MAGI2: variants seen among roughly 807,000 people sequenced by gnomAD.
MAGI2 encodes membrane-associated guanylate kinase, WW and PDZ domain-containing protein 2.
MAGI2 carries 35 observed loss-of-function variants against 133.3 expected under a neutral mutation model. That is an observed-to-expected ratio of 0.26 (90% confidence interval 0.20 to 0.35). The LOEUF is 0.35. MAGI2 is among the 10% of genes least tolerant of loss of function. The probability of loss-of-function intolerance (pLI) is 1.00; values close to 1 mark genes in which losing one functional copy is unlikely to be tolerated. For synonymous variants in MAGI2, 729 were observed against 710.6 expected (o/e 1.03, Z -0.41); for missense variants, 1,636 against 1,863.4 (o/e 0.88, Z 2.25).
intron 3 of MAGI2, among the ~76,000 whole-genome samples, chr7:78,555,190 T>TTGGA (rs369587265): frequency 0.043 from 6,031 of 138,882 alleles, 183 homozygotes; most frequent in African/African-American, 0.079. Flanking sequence ...TAGAGGACGG[T>TTGGA]TGGATGGATG....
At chr7:78,854,391 T>C (rs773023726) in intron 2 of MAGI2, among the ~76,000 whole-genome samples, 19 of 152,146 alleles carry the variant, frequency 1.2e-4, no homozygotes, top group Non-Finnish European at 2.6e-4. Flanking sequence ...ATAAAACTTA[T>C]ACTTGTTTTA....
chr7:78,179,218 A>T (rs1826953500), intron 13 of MAGI2, among the ~76,000 whole-genome samples: 2 of 152,258 alleles, frequency 1.3e-5, no homozygotes, highest in South Asian at 4.1e-4. Context: ...TGATAGAAGC[A>T]GGTATTAAGT....
At chr7:79,311,570 C>A (rs1393030537) in intron 1 of MAGI2, among the ~76,000 whole-genome samples, 1 of 152,012 alleles carries the variant, frequency 6.6e-6, no homozygotes, top group Non-Finnish European at 1.5e-5. Flanking sequence ...CCTCCCACCA[C>A]CTGCCCCTAT....
intron 2 of MAGI2, among the ~76,000 whole-genome samples, chr7:78,895,291 T>A (rs1004837462): frequency 6.6e-6 from 1 of 152,174 alleles, no homozygotes; most frequent in Non-Finnish European, 1.5e-5. Flanking sequence ...AGATGTGATA[T>A]CTTGTCTTGA....
chr7:78,667,328 G>C lies in MAGI2; in HGVS notation c.419-40089C>G, dbSNP rs147341191. Among the ~76,000 whole-genome samples the C allele has an allele frequency of 7.2e-3, 1,061 of 148,218 alleles. 9 individuals carry two copies. The highest frequency in any genetic ancestry group is 0.011 in the Non-Finnish European group (745 of 67,308). ...TCAAGATTGTCAAATAAAACAAAGC[G>C]TGCAGTATTGTAACCAATTGGGTTT... On this transcript the variant is annotated intron_variant, in intron 2 of 21. Coordinates refer to ENST00000354212, the MANE Select transcript of MAGI2 (RefSeq NM_012301.4).
At chr7:78,685,955 CTTTTTCTTT>C (rs772875204) in intron 2 of MAGI2, among the ~76,000 whole-genome samples, 2 of 119,026 alleles carry the variant, frequency 1.7e-5, no homozygotes, top group Non-Finnish European at 3.5e-5. Context: ...CTCTTACTTT[CTTTTTCTTT>C]TTTTTCTTTT....
At chr7:78,893,081 A>T (rs1184627674) in intron 2 of MAGI2, among the ~76,000 whole-genome samples, 1 of 152,058 alleles carries the variant, frequency 6.6e-6, no homozygotes, top group Admixed American at 6.6e-5. Flanking sequence ...ATATGAACAG[A>T]CACTTCTCAA....
At chr7:78,326,640 G>A (rs1285479987) in intron 9 of MAGI2, among the ~76,000 whole-genome samples, 3 of 152,076 alleles carry the variant, frequency 2.0e-5, no homozygotes, top group Admixed American at 2.0e-4. Flanking sequence ...ACGACAGAAG[G>A]GGAGGTGGAA....
intron 1 of MAGI2, chr7:79,414,039 G>C (rs544567651): frequency 6.6e-6 from 1 of 152,202 alleles, no homozygotes; most frequent in East Asian, 1.9e-4. Flanking sequence ...AGTATTCCAG[G>C]ACATCAGAGG....
At chr7:79,161,196 C>A (rs927469086) in intron 1 of MAGI2, among the ~76,000 whole-genome samples, 1 of 151,980 alleles carries the variant, frequency 6.6e-6, no homozygotes, top group Non-Finnish European at 1.5e-5. Flanking sequence ...GGGGATGTTA[C>A]CCCTTTCCAG....
chr7:78,707,102 C>T (rs1818730705), intron 2 of MAGI2, among the ~76,000 whole-genome samples: 1 of 152,022 alleles, frequency 6.6e-6, no homozygotes, highest in Admixed American at 6.6e-5. Context: ...CTGGGTTTAC[C>T]TCAAGAGCCA....
At chr7:78,749,372 A>C (rs1823237766) in intron 2 of MAGI2, among the ~76,000 whole-genome samples, 1 of 152,234 alleles carries the variant, frequency 6.6e-6, no homozygotes, top group African/African-American at 2.4e-5. Context: ...CATGGAGCTT[A>C]TGTTTTCGGG....
intron 9 of MAGI2, among the ~76,000 whole-genome samples, chr7:78,332,075 C>T (rs1177446862): frequency 6.6e-6 from 1 of 152,142 alleles, no homozygotes; most frequent in Non-Finnish European, 1.5e-5. Flanking sequence ...TACTAAAGTT[C>T]TTAATCCTGC....
At chr7:78,860,348 GCT>G (rs1450044230) in intron 2 of MAGI2, among the ~76,000 whole-genome samples, 1 of 152,160 alleles carries the variant, frequency 6.6e-6, no homozygotes, top group East Asian at 1.9e-4. Flanking sequence ...CAGCTTTTCT[GCT>G]CTGGTTTATC....
intron 16 of MAGI2, among the ~76,000 whole-genome samples, chr7:78,153,608 A>G (rs1051839213): frequency 3.3e-5 from 5 of 152,186 alleles, no homozygotes; most frequent in Admixed American, 2.6e-4. Context: ...AAAGAACTCA[A>G]AGTGTTAGGA....
chr7:78,357,552 T>A (rs1158874222), intron 7 of MAGI2, among the ~76,000 whole-genome samples: 2 of 152,190 alleles, frequency 1.3e-5, no homozygotes, highest in Non-Finnish European at 2.9e-5. Flanking sequence ...GAAAGTGAAG[T>A]AAGAATAATA....
chr7:78,546,895 A>G (rs1231709382), intron 3 of MAGI2, among the ~76,000 whole-genome samples: 2 of 152,232 alleles, frequency 1.3e-5, no homozygotes, highest in African/African-American at 2.4e-5. Flanking sequence ...ACTTTTGCAT[A>G]GCACTCAACT....
chr7:78,370,739 T>C (rs1398345534), intron 6 of MAGI2, among the ~76,000 whole-genome samples: 1 of 151,928 alleles, frequency 6.6e-6, no homozygotes, highest in East Asian at 1.9e-4. Context: ...TGTTTTAGAA[T>C]TTAGAATTTT....
intron 1 of MAGI2, among the ~76,000 whole-genome samples, chr7:79,195,738 T>G (rs1279191542): frequency 1.3e-5 from 2 of 151,910 alleles, no homozygotes; most frequent in Non-Finnish European, 2.9e-5. Flanking sequence ...ATAGTCATAT[T>G]AAAGTAATAT....
Sources: allele counts gnomAD v4.1 joint callset (sites outside exome capture counted in the v4.1 genomes callset), GRCh38; gene constraint gnomAD v4.1.1; transcripts MANE v1.5; gene names NCBI Gene and HGNC (gene_info 2026-07-23, HGNC 2026-07-21).